The following BBS9 variants were observed in gnomAD, a reference collection of about 807,000 sequenced individuals.
BBS9 encodes the protein protein PTHB1.
In BBS9, 89 loss-of-function variants were observed where a neutral mutation model predicts 117.7. The observed-to-expected ratio is 0.76, with a 90% confidence interval of 0.64 to 0.90. The LOEUF (loss-of-function observed/expected upper bound fraction) is 0.90, where lower values mean the gene tolerates loss of function less well. Ranked by LOEUF, BBS9 falls within the 40% of genes least tolerant of loss-of-function variation. The probability of loss-of-function intolerance (pLI) is 0.00; values close to 1 mark genes in which losing one functional copy is unlikely to be tolerated. For synonymous variants in BBS9, 379 were observed against 370.9 expected (o/e 1.02, Z -0.25); for missense variants, 982 against 1,042.2 (o/e 0.94, Z 0.80).
At chr7:33,599,748 A>G in intron 21 of BBS9, among the ~76,000 whole-genome samples, 1 of 152,204 alleles carries the variant, frequency 6.6e-6, no homozygotes. Context: ...AAGTTTTTAA[A>G]GTAATAACTT....
At chr7:33,388,211 G>A in intron 19 of BBS9, 67 bp downstream of exon 19, 1 of 1,545,564 alleles carries the variant, frequency 6.5e-7, no homozygotes, top group South Asian at 1.1e-5. Context: ...CTAGAGTCAT[G>A]TACCAGAATA....
chr7:33,296,777 A>T (rs1805363203), intron 9 of BBS9, among the ~76,000 whole-genome samples: 1 of 152,152 alleles, frequency 6.6e-6, no homozygotes, highest in Admixed American at 6.5e-5. Context: ...GGTGCCCTGA[A>T]GCAAATTTGT....
intron 17 of BBS9, among the ~76,000 whole-genome samples, chr7:33,372,567 G>T (rs937357690): frequency 6.6e-6 from 1 of 152,110 alleles, no homozygotes; most frequent in Non-Finnish European, 1.5e-5. Flanking sequence ...GTATTTTGTT[G>T]AGGATTTTTG....
At chr7:33,188,080 A>ATGTATGTGTGTGTGTG (rs1783427573) in intron 5 of BBS9, among the ~76,000 whole-genome samples, 1 of 73,070 alleles carries the variant, frequency 1.4e-5, no homozygotes, top group Non-Finnish European at 2.6e-5. Flanking sequence ...AGTTGAGTGA[A>ATGTATGTGTGTGTGTG]TGTGTGTGTG....
At chr7:33,590,191 A>C (rs1418024313) in intron 21 of BBS9, among the ~76,000 whole-genome samples, 1 of 152,068 alleles carries the variant, frequency 6.6e-6, no homozygotes, top group Non-Finnish European at 1.5e-5. Context: ...GCAGAGGCAA[A>C]AGCTAGACTG....
In BBS9 at chr7:33,542,790, TACACACACACACACACACAC is replaced by T. The variant is rs368494839; in HGVS notation, c.2521+8644_2521+8663del. Among the ~76,000 whole-genome samples, 83 of 134,380 alleles carry T rather than the reference TACACACACACACACACACAC, an allele frequency of 6.2e-4. 2 individuals are homozygous for T. In the South Asian group the frequency reaches 0.015, roughly 25 times the overall value. 88.2% of individuals were successfully genotyped at this position (134,380 alleles called of 152,430 possible). ...ATATGTGAGTATATATATATATATG[TACACACACACACACACACAC>T]ACACACACACACACACACACACACA... On this transcript the variant is annotated intron_variant, in intron 21 of 22. Coordinates refer to ENST00000242067, the MANE Select transcript of BBS9 (RefSeq NM_198428.3).
chr7:33,543,170 G>C (rs371230209), intron 21 of BBS9, among the ~76,000 whole-genome samples: 3 of 152,068 alleles, frequency 2.0e-5, no homozygotes, highest in Non-Finnish European at 1.5e-5. Flanking sequence ...GAGTAAGGTG[G>C]TATCCCATTG....
intron 5 of BBS9, among the ~76,000 whole-genome samples, chr7:33,190,775 G>A (rs1783995608): frequency 6.6e-6 from 1 of 152,148 alleles, no homozygotes; most frequent in Admixed American, 6.5e-5. Context: ...ACCAATCATT[G>A]CCACCAAAGG....
intron 21 of BBS9, among the ~76,000 whole-genome samples, chr7:33,578,440 G>T (rs1003383440): frequency 6.6e-6 from 1 of 152,204 alleles, no homozygotes; most frequent in Non-Finnish European, 1.5e-5. Context: ...GCAAGACAAT[G>T]CCAGAGACTG....
chr7:33,246,666 C>T (rs1795379623), intron 5 of BBS9, among the ~76,000 whole-genome samples: 1 of 151,906 alleles, frequency 6.6e-6, no homozygotes, highest in South Asian at 2.1e-4. Flanking sequence ...CTTTTGGATA[C>T]AGGAGAAGAA....
intron 4 of BBS9, among the ~76,000 whole-genome samples, chr7:33,163,271 G>A (rs1795148764): frequency 6.6e-6 from 1 of 152,138 alleles, no homozygotes; most frequent in Non-Finnish European, 1.5e-5. Context: ...GTTCCTCAGG[G>A]ATATTGGTCT....
chr7:33,152,852 G>C lies in BBS9; in HGVS notation c.263+1G>C. The C allele has an allele frequency of 6.2e-7, 1 of 1,613,742 alleles. No individual in the cohort carries two copies. Among genetic ancestry groups the C allele is most frequent in the Non-Finnish European group, 8.5e-7 (1 of 1,179,850 alleles). On this transcript the variant is annotated splice_donor_variant, in intron 3 of 22. Coordinates refer to ENST00000242067, the MANE Select transcript of BBS9 (RefSeq NM_198428.3). LOFTEE classifies it high-confidence loss of function. ...AAGTGGAAGTAGGAAAGTTTGTTTC[G>C]TAAGTAAGCCCACTAATTCTGGTAT...
At position 33,287,835 on chromosome 7, in the gene BBS9, G is replaced by C. The variant is rs573731581; in HGVS notation, c.1016+13879G>C. On this transcript the variant is annotated intron_variant, in intron 9 of 22. Coordinates refer to ENST00000242067, the MANE Select transcript of BBS9 (RefSeq NM_198428.3). Reference sequence around the variant, plus strand: ...TTTAAGGTTAAAATGTTATTGTTTTGAGAGAGGAGAAAGGAAGAAACCAGT... The same window carrying C: ...TTTAAGGTTAAAATGTTATTGTTTTCAGAGAGGAGAAAGGAAGAAACCAGT... Among the ~76,000 whole-genome samples the C allele has an allele frequency of 7.9e-5, 12 of 152,258 alleles. No homozygotes were observed. In the South Asian group the frequency reaches 8.3e-4, roughly 11 times the overall value.
At chr7:33,246,404 A>G (rs1795338854) in intron 5 of BBS9, among the ~76,000 whole-genome samples, 1 of 151,970 alleles carries the variant, frequency 6.6e-6, no homozygotes, top group South Asian at 2.1e-4. Flanking sequence ...TAAGATTAAG[A>G]GAGTTGATAA....
Position 33,284,947 on chromosome 7 carries a change from A to G in BBS9, c.1016+10991A>G, listed in dbSNP as rs1802607468. 2.0e-5 allele frequency among the ~76,000 whole-genome samples: 3 copies of G among 152,266 alleles called. No individual in the cohort carries two copies. In the South Asian group the frequency reaches 6.2e-4, roughly 32 times the overall value. On this transcript the variant is annotated intron_variant, in intron 9 of 22. Coordinates refer to ENST00000242067, the MANE Select transcript of BBS9 (RefSeq NM_198428.3). ...TAGTATATGCCAAGTTACAATTCCC[A>G]TGAGGCACTAGTACCAAGTACATCT... is the stretch of plus-strand genomic sequence containing the variant.
At chr7:33,309,207 A>G (rs1205991099) in intron 9 of BBS9, among the ~76,000 whole-genome samples, 1 of 152,212 alleles carries the variant, frequency 6.6e-6, no homozygotes, top group Non-Finnish European at 1.5e-5. Context: ...AAGTAGTTAA[A>G]AGAAGATTCT....
chr7:33,477,521 T>A (rs1391263245), intron 19 of BBS9, among the ~76,000 whole-genome samples: 1 of 152,208 alleles, frequency 6.6e-6, no homozygotes, highest in Non-Finnish European at 1.5e-5. Context: ...TTATTTTTTT[T>A]AAAGCTTGTG....
chr7:33,503,050 A>G (rs1313893645), intron 19 of BBS9, among the ~76,000 whole-genome samples: 1 of 152,176 alleles, frequency 6.6e-6, no homozygotes, highest in Non-Finnish European at 1.5e-5. Context: ...AAGTAGCATG[A>G]ATTTTACCAT....
chr7:33,336,094 T>A (rs1229760286), intron 9 of BBS9, among the ~76,000 whole-genome samples: 1 of 152,158 alleles, frequency 6.6e-6, no homozygotes, highest in Non-Finnish European at 1.5e-5. Flanking sequence ...GTTGTTCACA[T>A]GCTTATTACG....
Sources: allele counts gnomAD v4.1 joint callset (sites outside exome capture counted in the v4.1 genomes callset), GRCh38; gene constraint gnomAD v4.1.1; transcripts MANE v1.5; gene names NCBI Gene and HGNC (gene_info 2026-07-23, HGNC 2026-07-21).